The following MDGA2 variants were observed in gnomAD, a reference collection of about 807,000 sequenced individuals.
MDGA2 encodes MAM domain-containing glycosylphosphatidylinositol anchor protein 2.
In MDGA2, 40 loss-of-function variants were observed where a neutral mutation model predicts 117.8. The observed-to-expected ratio is 0.34, with a 90% confidence interval of 0.26 to 0.44. The LOEUF (loss-of-function observed/expected upper bound fraction) is 0.44, where lower values mean the gene tolerates loss of function less well. Ranked by LOEUF, MDGA2 falls within the 20% of genes least tolerant of loss-of-function variation. MDGA2 has a pLI of 1.00. For missense variants in MDGA2, 1,123 were observed against 1,250.6 expected, an observed-to-expected ratio of 0.90 and a Z score of 1.54; for synonymous variants, 452 against 439.0, an observed-to-expected ratio of 1.03 and a Z score of -0.37.
intron 1 of MDGA2, among the ~76,000 whole-genome samples, chr14:47,671,059 T>A (rs1898065549): frequency 6.6e-6 from 1 of 152,172 alleles, no homozygotes; most frequent in Non-Finnish European, 1.5e-5. Flanking sequence ...TACTATAATG[T>A]TACATCTGAT....
At chr14:46,928,829 T>C (rs1884430059) in intron 9 of MDGA2, among the ~76,000 whole-genome samples, 1 of 152,302 alleles carries the variant, frequency 6.6e-6, no homozygotes, top group East Asian at 1.9e-4. Context: ...CAAAAACATA[T>C]CATAATTTTA....
chr14:47,501,511 A>G (rs1309553576), intron 1 of MDGA2, among the ~76,000 whole-genome samples: 3 of 152,192 alleles, frequency 2.0e-5, no homozygotes, highest in African/African-American at 7.2e-5. Context: ...GTGTCACCCC[A>G]AAATGATATA....
In MDGA2 at chr14:46,938,572, T is replaced by C. The variant is rs536201605; in HGVS notation, c.2090-18412A>G. Among the ~76,000 whole-genome samples the C allele has an allele frequency of 1.8e-4, 15 of 85,476 alleles. No homozygotes were observed. The East Asian group carries it at 4.1e-3, about 24-fold the overall frequency. The allele number at this position is 85,476 out of a possible 152,430, so 56.1% of individuals were successfully genotyped here. A position where few individuals can be genotyped will look rare whatever the true frequency, so the allele number is the denominator to read the frequency against. ...AAAAAAAAAAAAAAGAGACATCATC[T>C]GACCCCAATTAGAACAGCTATTATG... On this transcript the variant is annotated intron_variant, in intron 9 of 16. Transcript: ENST00000399232.
At chr14:46,994,680 A>G (rs759039785) in intron 8 of MDGA2, among the ~76,000 whole-genome samples, 30 of 152,164 alleles carry the variant, frequency 2.0e-4, no homozygotes, top group Admixed American at 4.6e-4. Flanking sequence ...TGCCTCTTGC[A>G]CTATAAATGG....
chr14:46,988,012 A>G (rs1886930225), intron 8 of MDGA2, among the ~76,000 whole-genome samples: 1 of 151,854 alleles, frequency 6.6e-6, no homozygotes. Context: ...ATAGTATGTT[A>G]TGGTGAAAGG....
chr14:47,491,173 T>C (rs529052014), intron 1 of MDGA2, among the ~76,000 whole-genome samples: 11 of 152,226 alleles, frequency 7.2e-5, no homozygotes, highest in African/African-American at 2.6e-4. Context: ...GGCTTATAGC[T>C]AAACATGAAA....
chr14:47,482,596 C>T (rs1215696992), intron 1 of MDGA2, among the ~76,000 whole-genome samples: 4 of 152,022 alleles, frequency 2.6e-5, no homozygotes, highest in Admixed American at 2.6e-4. Context: ...TGAATTGAAT[C>T]TAAATTTCTA....
chr14:47,378,211 T>C (rs1227121842), intron 1 of MDGA2, among the ~76,000 whole-genome samples: 1 of 151,996 alleles, frequency 6.6e-6, no homozygotes, highest in African/African-American at 2.4e-5. Flanking sequence ...CATCTGTACA[T>C]CACCATCAAC....
chr14:46,843,173 T>C (rs556914089), intron 16 of MDGA2, among the ~76,000 whole-genome samples: 5 of 152,260 alleles, frequency 3.3e-5, no homozygotes, highest in African/African-American at 1.2e-4. Flanking sequence ...AAATGTTCTA[T>C]TGTAATAGAA....
intron 2 of MDGA2, among the ~76,000 whole-genome samples, chr14:47,292,069 T>A (rs1231999830): frequency 6.6e-6 from 1 of 152,216 alleles, no homozygotes; most frequent in Non-Finnish European, 1.5e-5. Context: ...AGATACCACA[T>A]CTGATCCAGC....
At chr14:47,634,892 T>C (rs1460525808) in intron 1 of MDGA2, among the ~76,000 whole-genome samples, 2 of 152,102 alleles carry the variant, frequency 1.3e-5, no homozygotes, top group African/African-American at 4.8e-5. Flanking sequence ...AGCACATTAG[T>C]ATGAAATAAA....
At position 47,335,207 on chromosome 14, in the gene MDGA2, G is replaced by T. The variant is rs1474858050; in HGVS notation, c.281-33657C>A. On this transcript the variant is annotated intron_variant, in intron 1 of 16. Coordinates refer to ENST00000399232, the MANE Select transcript of MDGA2 (RefSeq NM_001113498.3). ...GTAATTCATATATTGTAGCAGCCAA[G>T]ACAGATACAACTTAAATAAAATGTA... 2.8e-4 allele frequency among the ~76,000 whole-genome samples: 37 copies of T among 131,088 alleles called. No homozygotes were observed. In the Admixed American group the frequency reaches 3.2e-3, roughly 11 times the overall value. 86.0% of individuals were successfully genotyped at this position (131,088 alleles called of 152,430 possible). A position where few individuals can be genotyped will look rare whatever the true frequency, so the allele number is the denominator to read the frequency against.
chr14:47,276,618 T>A (rs73238704), intron 2 of MDGA2, among the ~76,000 whole-genome samples: 1 of 151,482 alleles, frequency 6.6e-6, no homozygotes, highest in Admixed American at 6.6e-5. Flanking sequence ...ATAAAAAAAA[T>A]TCCAATTAAA....
chr14:47,018,460 T>C (rs1267999199), intron 8 of MDGA2, among the ~76,000 whole-genome samples: 1 of 152,116 alleles, frequency 6.6e-6, no homozygotes, highest in Non-Finnish European at 1.5e-5. Flanking sequence ...CCCCTCCTCT[T>C]AGCTTCTAGA....
chr14:47,646,329 A>G (rs1380488141), intron 1 of MDGA2, among the ~76,000 whole-genome samples: 2 of 152,028 alleles, frequency 1.3e-5, no homozygotes, highest in African/African-American at 4.8e-5. Flanking sequence ...ATGTATATAC[A>G]TACACATATA....
At chr14:47,145,470 C>T (rs762590956) in intron 3 of MDGA2, among the ~76,000 whole-genome samples, 6 of 152,100 alleles carry the variant, frequency 3.9e-5, no homozygotes, top group Non-Finnish European at 8.8e-5. Context: ...TTTTCTTAAG[C>T]GAAAGATAAA....
At chr14:47,457,919 ATTC>A (rs1237001718) in intron 1 of MDGA2, among the ~76,000 whole-genome samples, 1 of 151,166 alleles carries the variant, frequency 6.6e-6, no homozygotes, top group East Asian at 1.9e-4. Flanking sequence ...TCACAAGTTC[ATTC>A]TTCTTCCAAG....
intron 1 of MDGA2, among the ~76,000 whole-genome samples, chr14:47,337,875 G>A (rs2139935205): frequency 6.6e-6 from 1 of 151,992 alleles, no homozygotes; most frequent in South Asian, 2.1e-4. Context: ...CACCTGCATT[G>A]CCCACTTTGT....
chr14:46,845,438 C>A (rs752606701), intron 16 of MDGA2, among the ~76,000 whole-genome samples: 1 of 152,118 alleles, frequency 6.6e-6, no homozygotes, highest in Non-Finnish European at 1.5e-5. Flanking sequence ...TATATAGGTT[C>A]ATCAAATATT....
Sources: allele counts gnomAD v4.1 joint callset (sites outside exome capture counted in the v4.1 genomes callset), GRCh38; gene constraint gnomAD v4.1.1; transcripts MANE v1.5; gene names NCBI Gene and HGNC (gene_info 2026-07-23, HGNC 2026-07-21).